TENM3: variants seen among roughly 807,000 people sequenced by gnomAD.
TENM3 encodes teneurin transmembrane protein 3.
In TENM3, 63 loss-of-function variants were observed where a neutral mutation model predicts 255.1. The ratio of observed to expected loss-of-function variants is 0.25; its 90% CI spans 0.20 to 0.30. TENM3 has a LOEUF of 0.30. Ranked by LOEUF, TENM3 falls within the 10% of genes least tolerant of loss-of-function variation. The probability of loss-of-function intolerance (pLI) is 1.00; values close to 1 mark genes in which losing one functional copy is unlikely to be tolerated. For missense variants in TENM3, 2,929 were observed against 3,461.1 expected (o/e 0.85, Z 3.86); for synonymous variants, 1,306 against 1,322.3 (o/e 0.99, Z 0.27).
the TENM3 span, among the ~76,000 whole-genome samples, chr4:181,762,236 G>T: frequency 6.6e-6 from 1 of 152,168 alleles, no homozygotes; most frequent in African/African-American, 2.4e-5. Context: ...TGGAGTCCAG[G>T]TGGGTAGCAG....
chr4:182,551,484 C>T (rs893310950), intron 3 of TENM3, among the ~76,000 whole-genome samples: 17 of 151,940 alleles, frequency 1.1e-4, no homozygotes, highest in African/African-American at 4.1e-4. Flanking sequence ...GAAGAAATAA[C>T]TTTTCAAACT....
At chr4:182,428,767 T>C (rs1487310851) in intron 3 of TENM3, among the ~76,000 whole-genome samples, 1 of 152,190 alleles carries the variant, frequency 6.6e-6, no homozygotes, top group Non-Finnish European at 1.5e-5. Context: ...TGTTAAAATT[T>C]CCTAGCACAG....
chr4:181,869,002 C>CA, the TENM3 span, among the ~76,000 whole-genome samples: 3,203 of 141,490 alleles, frequency 0.023, 95 homozygotes, highest in African/African-American at 0.072. Flanking sequence ...CCTAAATTTC[C>CA]AAAAAAAAAA....
At chr4:182,653,683 A>T in intron 5 of TENM3, 88 bp from the exon 6 acceptor site, 1 of 1,408,022 alleles carries the variant, frequency 7.1e-7, no homozygotes, top group Non-Finnish European at 9.5e-7. Context: ...GTAACTTTAC[A>T]TATGACTCTT....
the TENM3 span, among the ~76,000 whole-genome samples, chr4:181,514,017 T>C: frequency 3.1e-3 from 465 of 152,172 alleles, 5 homozygotes; most frequent in African/African-American, 0.011. Flanking sequence ...TTTAAAAACA[T>C]GAAATAAAGA....
intron 3 of TENM3, among the ~76,000 whole-genome samples, chr4:182,394,576 TG>T (rs1768667462): frequency 6.6e-6 from 1 of 152,224 alleles, no homozygotes; most frequent in African/African-American, 2.4e-5. Flanking sequence ...ATGTAAGCTC[TG>T]AGGCACAAAG....
intron 4 of TENM3, among the ~76,000 whole-genome samples, chr4:182,609,761 A>G (rs1748809203): frequency 6.6e-6 from 1 of 152,202 alleles, no homozygotes; most frequent in African/African-American, 2.4e-5. Context: ...CAGGGTAATT[A>G]CACATTCTTA....
chr4:181,964,963 T>C, the TENM3 span, among the ~76,000 whole-genome samples: 2 of 152,148 alleles, frequency 1.3e-5, no homozygotes, highest in African/African-American at 4.8e-5. Flanking sequence ...CTTGACAATC[T>C]AAAGTGTCTA....
the TENM3 span, among the ~76,000 whole-genome samples, chr4:181,678,784 A>G: frequency 3.3e-5 from 5 of 151,302 alleles, no homozygotes; most frequent in Non-Finnish European, 2.9e-5. Flanking sequence ...GTTTGTATCT[A>G]TCTATATCAT....
intron 3 of TENM3, among the ~76,000 whole-genome samples, chr4:182,516,218 C>T (rs888364253): frequency 6.6e-6 from 1 of 152,202 alleles, no homozygotes; most frequent in Non-Finnish European, 1.5e-5. Flanking sequence ...TGCAAAACAT[C>T]AAATAAGTCA....
chr4:182,145,444 C>T (rs1041499312), intron 1 of TENM3, among the ~76,000 whole-genome samples: 1 of 152,170 alleles, frequency 6.6e-6, no homozygotes, highest in Non-Finnish European at 1.5e-5. Context: ...AAGTCCCTCT[C>T]GTGTTTTACA....
the TENM3 span, among the ~76,000 whole-genome samples, chr4:181,465,674 A>G: frequency 1.3e-5 from 2 of 152,184 alleles, no homozygotes; most frequent in East Asian, 3.9e-4. Context: ...AACCACAATT[A>G]CTTTTGCACC....
At chr4:181,448,933 T>C in the TENM3 span, among the ~76,000 whole-genome samples, 1 of 152,214 alleles carries the variant, frequency 6.6e-6, no homozygotes, top group African/African-American at 2.4e-5. Flanking sequence ...AAAATTTTAC[T>C]ATTTGCTCCA....
At chr4:182,115,718 G>A in the TENM3 span, among the ~76,000 whole-genome samples, 24 of 152,190 alleles carry the variant, frequency 1.6e-4, 1 homozygote, top group South Asian at 4.4e-3. Flanking sequence ...GGCAGCAATG[G>A]TTTTAGCTTG....
intron 1 of TENM3, among the ~76,000 whole-genome samples, chr4:182,193,003 T>C (rs1314991990): frequency 6.6e-6 from 1 of 152,184 alleles, no homozygotes; most frequent in Non-Finnish European, 1.5e-5. Flanking sequence ...CTAATCTTCC[T>C]ATCATGATGG....
the TENM3 span, among the ~76,000 whole-genome samples, chr4:182,039,966 GC>G: frequency 7.9e-6 from 1 of 125,808 alleles, no homozygotes. Flanking sequence ...GGCAGGGGAG[GC>G]TGAGGTGAGG....
chr4:181,519,894 A>T, the TENM3 span, among the ~76,000 whole-genome samples: 1 of 152,234 alleles, frequency 6.6e-6, no homozygotes, highest in African/African-American at 2.4e-5. Flanking sequence ...AGTTTAGCAA[A>T]GCCTGTAGGA....
the TENM3 span, among the ~76,000 whole-genome samples, chr4:181,731,412 G>T: frequency 2.6e-5 from 4 of 152,128 alleles, no homozygotes; most frequent in African/African-American, 9.7e-5. Flanking sequence ...GGAGTGCAGT[G>T]GTGATCCCAG....
chr4:182,058,974 G>GTGTGTGTGTGTGTA, the TENM3 span, among the ~76,000 whole-genome samples: 2 of 150,584 alleles, frequency 1.3e-5, no homozygotes, highest in African/African-American at 5.0e-5. Flanking sequence ...GTGTGTGTGT[G>GTGTGTGTGTGTGTA]TGTGTGTTTG....
Sources: gnomAD v4.1 joint callset for allele counts (sites outside exome capture counted in the v4.1 genomes callset) on GRCh38, gnomAD v4.1.1 for gene constraint, MANE v1.5 for transcripts, NCBI Gene and HGNC (gene_info 2026-07-23, HGNC 2026-07-21) for gene names.